Variants in NCAM1 observed in about 807,000 individuals in gnomAD.
NCAM1 encodes the protein neural cell adhesion molecule 1.
Under a neutral mutation model 109.8 loss-of-function variants are expected in NCAM1, and 14 were observed. The ratio of observed to expected loss-of-function variants is 0.13; its 90% CI spans 0.08 to 0.20. The LOEUF (loss-of-function observed/expected upper bound fraction) is 0.20. Among genes scored for constraint, NCAM1 ranks in the 10% least tolerant of loss-of-function variants. The pLI is 1.00. For synonymous variants in NCAM1, 418 were observed against 442.9 expected (o/e 0.94, Z 0.70); for missense variants, 774 against 1,109.9 (o/e 0.70, Z 4.30).
chr11:113,223,093 G>C lies in NCAM1; in HGVS notation c.1089+1768G>C, dbSNP rs533401882. ...TATCATTAACCTTCATATTTTTGGG[G>C]AAAAAAGGAGTTTTCTTGCCATCAA... is the stretch of plus-strand genomic sequence containing the variant. On this transcript the variant is annotated intron_variant, in intron 9 of 19. Coordinates refer to ENST00000316851, the MANE Select transcript of NCAM1 (RefSeq NM_181351.5). Among the ~76,000 whole-genome samples the C allele has an allele frequency of 3.9e-5, 6 of 152,112 alleles. No individual in the cohort carries two copies. The East Asian group carries it at 1.2e-3, about 29-fold the overall frequency.
In NCAM1 at chr11:113,233,038, G is replaced by A; in HGVS notation, c.1523-109G>A. ...GCCAGGAGGACAGGATACAGTGACA[G>A]GATTCCCAAGAGTGAGCAGAAATGA... On this transcript the variant is annotated intron_variant, in intron 12 of 19. Transcript: ENST00000316851. This position sits in a 1 kb window ranked among gnomAD's most constrained non-coding sequence, Gnocchi z 4.5. 1 of 1,189,998 alleles carries A rather than the reference G, an allele frequency of 8.4e-7. No individual in the cohort carries two copies. The highest frequency in any genetic ancestry group is 1.2e-6 in the Non-Finnish European group (1 of 842,078). The allele number at this position is 1,189,998 out of a possible 1,614,324, so 73.7% of individuals were successfully genotyped here. A position where few individuals can be genotyped will look rare whatever the true frequency, so the allele number is the denominator to read the frequency against.
chr11:113,127,752 G>T (rs1452159169), intron 1 of NCAM1, among the ~76,000 whole-genome samples: 5 of 152,242 alleles, frequency 3.3e-5, no homozygotes, highest in African/African-American at 1.2e-4. Context: ...TCAGACAGCT[G>T]CTCAGCAGCG....
In NCAM1 at chr11:113,094,092, G is replaced by A. The variant is rs538337984; in HGVS notation, c.53-108287G>A. Among the ~76,000 whole-genome samples, 7 of 152,288 alleles carry A rather than the reference G, an allele frequency of 4.6e-5. No individual in the cohort carries two copies. The South Asian group carries it at 1.2e-3, about 27-fold the overall frequency. ...CTTCAAATACAGAGGGAAACATAGG[G>A]TCCCCTTTAGACAGTTAAGACGGCA... On this transcript the variant is annotated intron_variant, in intron 1 of 19. Transcript: ENST00000316851.
chr11:113,263,044 G>A, intron 17 of NCAM1: 1 of 1,463,892 alleles, frequency 6.8e-7, no homozygotes, highest in Non-Finnish European at 9.0e-7. Context: ...CAACCATTCT[G>A]TGTGGAAGAG....
At chr11:113,060,477 A>C (rs930255484) in intron 1 of NCAM1, among the ~76,000 whole-genome samples, 11 of 152,030 alleles carry the variant, frequency 7.2e-5, no homozygotes, top group Admixed American at 2.0e-4. Flanking sequence ...TAAATATTTT[A>C]TGTCTTTGGT....
Position 113,233,407 on chromosome 11 carries a change from G to GA in NCAM1, c.1693+92dup. On this transcript the variant is annotated intron_variant, in intron 13 of 19. Transcript: ENST00000316851. This position sits in a 1 kb window ranked among gnomAD's most constrained non-coding sequence, Gnocchi z 4.5. ...CTGCCATCCTGGGCATGTTCCTACA[G>GA]AATCAGGAACTGCACCTCCAGAATT... The GA allele has an allele frequency of 7.2e-7, 1 of 1,380,566 alleles. No homozygotes were observed. The highest frequency in any genetic ancestry group is 9.9e-7 in the Non-Finnish European group (1 of 1,011,468). The allele number at this position is 1,380,566 out of a possible 1,614,324, so 85.5% of individuals were successfully genotyped here.
chr11:113,075,457 T>C (rs2135604860), intron 1 of NCAM1, among the ~76,000 whole-genome samples: 1 of 152,286 alleles, frequency 6.6e-6, no homozygotes, highest in South Asian at 2.1e-4. Flanking sequence ...GGAAATGGTG[T>C]TTCTGTATCG....
chr11:113,005,850 G>A (rs1555073221), intron 1 of NCAM1, among the ~76,000 whole-genome samples: 1 of 152,156 alleles, frequency 6.6e-6, no homozygotes, highest in Non-Finnish European at 1.5e-5. Context: ...TATCCTTTAA[G>A]AGTGTCATTC....
intron 1 of NCAM1, among the ~76,000 whole-genome samples, chr11:113,153,577 G>C (rs1942312490): frequency 6.6e-6 from 1 of 152,088 alleles, no homozygotes; most frequent in South Asian, 2.1e-4. Context: ...GAATATGAAT[G>C]AAAGAACTGG....
Position 113,273,124 on chromosome 11 carries a change from GCCAGGCCAC to G in NCAM1, c.2456+1251_2456+1259del, listed in dbSNP as rs1946320966. 1 of 451,286 alleles carries G rather than the reference GCCAGGCCAC, an allele frequency of 2.2e-6. No homozygotes were observed. 28.0% of individuals were successfully genotyped at this position (451,286 alleles called of 1,614,324 possible). A position where few individuals can be genotyped will look rare whatever the true frequency, so the allele number is the denominator to read the frequency against. ...CCTGACTCAAACTCTGTACCGGCTG[GCCAGGCCAC>G]CCCTTCCAAGGGGCCCAGCGCCTCT... On this transcript the variant is annotated intron_variant, in intron 19 of 19. Transcript: ENST00000316851. The surrounding 1 kb of genome is among the most constrained non-coding windows in gnomAD (Gnocchi z 6.0).
chr11:113,075,466 C>T lies in NCAM1; in HGVS notation c.52+113802C>T, dbSNP rs138653464. 2.8e-3 allele frequency among the ~76,000 whole-genome samples: 424 copies of T among 152,274 alleles called. 1 individual carries two copies. Among genetic ancestry groups the T allele is most frequent in the African/African-American group, 9.7e-3 (401 of 41,538 alleles). ...GCATCTGGAAATGGTGTTTCTGTATCGGATGCCTGGTCACTGGCCACCCTA... is the reference window on the plus strand; with the variant it reads ...GCATCTGGAAATGGTGTTTCTGTATTGGATGCCTGGTCACTGGCCACCCTA... On this transcript the variant is annotated intron_variant, in intron 1 of 19. Coordinates refer to ENST00000316851, the MANE Select transcript of NCAM1 (RefSeq NM_181351.5).
chr11:113,069,917 G>T (rs1322527768), intron 1 of NCAM1, among the ~76,000 whole-genome samples: 1 of 152,182 alleles, frequency 6.6e-6, no homozygotes, highest in Non-Finnish European at 1.5e-5. Context: ...TGTTCCTGAA[G>T]GATGGGATCC....
intron 1 of NCAM1, among the ~76,000 whole-genome samples, chr11:113,033,171 G>A (rs1291261226): frequency 2.0e-5 from 3 of 152,204 alleles, no homozygotes; most frequent in African/African-American, 7.2e-5. Flanking sequence ...AATTGCAGCT[G>A]TGGGGTGAGC....
At chr11:112,991,885 A>G (rs1249741303) in intron 1 of NCAM1, among the ~76,000 whole-genome samples, 9 of 152,226 alleles carry the variant, frequency 5.9e-5, no homozygotes, top group African/African-American at 1.9e-4. Flanking sequence ...AACAGTTTAC[A>G]TCTGTTTCCT....
chr11:113,212,932 T>C (rs1262207656), intron 7 of NCAM1, among the ~76,000 whole-genome samples: 5 of 152,214 alleles, frequency 3.3e-5, no homozygotes, highest in Non-Finnish European at 7.3e-5. Flanking sequence ...TTTGGCCAGA[T>C]TGGATTGAGA....
intron 1 of NCAM1, among the ~76,000 whole-genome samples, chr11:112,970,723 A>G (rs1950855624): frequency 6.6e-6 from 1 of 152,228 alleles, no homozygotes; most frequent in Admixed American, 6.5e-5. Context: ...CTGAAAAATA[A>G]AAATCAAATT....
chr11:113,068,944 T>C (rs868921416), intron 1 of NCAM1, among the ~76,000 whole-genome samples: 1 of 152,194 alleles, frequency 6.6e-6, no homozygotes, highest in Non-Finnish European at 1.5e-5. Context: ...TTGATGCTTG[T>C]GCTTAATTTA....
At chr11:113,175,659 G>A (rs1484868011) in intron 1 of NCAM1, among the ~76,000 whole-genome samples, 1 of 152,188 alleles carries the variant, frequency 6.6e-6, no homozygotes, top group Non-Finnish European at 1.5e-5. Context: ...TTCACATGGA[G>A]AAATAGTAAG....
intron 1 of NCAM1, among the ~76,000 whole-genome samples, chr11:112,980,296 CAG>C (rs1427589794): frequency 6.6e-6 from 1 of 151,816 alleles, no homozygotes; most frequent in African/African-American, 2.4e-5. Flanking sequence ...AGTTCTTAAA[CAG>C]AGTTACCATG....
Sources: allele counts gnomAD v4.1 joint callset (sites outside exome capture counted in the v4.1 genomes callset), GRCh38; gene constraint gnomAD v4.1.1; non-coding constraint Gnocchi (gnomAD v3.1); transcripts MANE v1.5; gene names NCBI Gene and HGNC (gene_info 2026-07-23, HGNC 2026-07-21).